Variants in PRR12 observed in about 807,000 individuals in gnomAD.
PRR12 encodes proline rich 12.
PRR12 carries 12 observed loss-of-function variants against 138.0 expected under a neutral mutation model. The observed-to-expected ratio is 0.09, with a 90% CI of 0.06 to 0.14. The LOEUF is 0.14. PRR12 is among the 10% of genes least tolerant of loss of function. PRR12 has a pLI of 1.00. For missense variants in PRR12, 2,692 were observed against 2,861.3 expected, an observed-to-expected ratio of 0.94 and a Z score of 1.35; for synonymous variants, 1,567 against 1,291.7, an observed-to-expected ratio of 1.21 and a Z score of -4.57.
At chr19:49,615,711 G>A (rs1472043175) in intron 8 of PRR12, 36 bp from the exon 9 acceptor site, 1 of 1,556,560 alleles carries the variant, frequency 6.4e-7, no homozygotes, top group Middle Eastern at 1.7e-4. Context: ...ATTATTGGGG[G>A]CTGCTGACTA....
chr19:49,591,691 C>A lies in PRR12; in HGVS notation c.37C>A (p.Pro13Thr). 1 of 1,353,348 alleles carries A rather than the reference C, an allele frequency of 7.4e-7. No homozygotes were observed. The highest frequency in any genetic ancestry group is 9.7e-7 in the Non-Finnish European group (1 of 1,029,284). 83.8% of individuals were successfully genotyped at this position (1,353,348 alleles called of 1,614,324 possible). The change falls in exon 1 of 14, where the codon CCG becomes ACG. Residue 13 changes from proline to threonine, a missense_variant. This residue lies in a region of PRR12 where 211 missense variants were observed against 266.3 expected (regional missense o/e 0.79). Coordinates refer to ENST00000418929, the MANE Select transcript of PRR12 (RefSeq NM_020719.3). ...RNYPSAGFGDPLGAGAGWSYE... is the reference protein window; with the variant it reads ...RNYPSAGFGDTLGAGAGWSYE... ...CTACCCCAGCGCCGGCTTCGGGGACCCGCTCGGCGCCGGGGCGGGATGGAG... is the reference window on the plus strand; with the variant it reads ...CTACCCCAGCGCCGGCTTCGGGGACACGCTCGGCGCCGGGGCGGGATGGAG...
chr19:49,596,204 G>A lies in PRR12; in HGVS notation c.1869G>A (p.Glu623=). The change falls in exon 4 of 14, where the codon GAG becomes GAA. Residue 623 remains glutamate (E), a synonymous_variant. Coordinates refer to ENST00000418929, the MANE Select transcript of PRR12 (RefSeq NM_020719.3). The surrounding 1 kb of genome is among the most constrained non-coding windows in gnomAD (Gnocchi z 5.6). The stretch of plus-strand genomic sequence containing the variant: ...ACAAGGGCAAGGGGGATGGCTCGGA[G>A]CTGCTGGCGGGCCCAGGTGGGCCTC... ...GGYKGKGDGS[E]LLAGPGGPPA... 6.2e-7 allele frequency: 1 copy of A among 1,610,998 alleles called. No homozygotes were observed. The highest frequency in any genetic ancestry group is 1.1e-5 in the South Asian group (1 of 91,076).
At chr19:49,620,584 C>T (rs2080916985) in intron 10 of PRR12, 107 bp downstream of exon 10, 4 of 1,464,770 alleles carry the variant, frequency 2.7e-6, no homozygotes, top group Middle Eastern at 2.3e-4. Context: ...GGTCGGGACT[C>T]CTGAGTCTGA....
Position 49,599,993 on chromosome 19 carries a change from AG to A in PRR12, c.4345+57del. ...GAGCTTAAAGGTTATTATGATCACTAGGTAACAGTTGTGCAGGTTACGCACT... is the reference window on the plus strand; with the variant it reads ...GAGCTTAAAGGTTATTATGATCACTAGTAACAGTTGTGCAGGTTACGCACT... On this transcript the variant is annotated intron_variant, in intron 5 of 13. Coordinates refer to ENST00000418929, the MANE Select transcript of PRR12 (RefSeq NM_020719.3). The surrounding 1 kb of genome is among the most constrained non-coding windows in gnomAD (Gnocchi z 5.0). 3 of 1,477,892 alleles carry A rather than the reference AG, an allele frequency of 2.0e-6. No homozygotes were observed. In the South Asian group the frequency reaches 4.0e-5, roughly 20 times the overall value. 91.5% of individuals were successfully genotyped at this position (1,477,892 alleles called of 1,614,324 possible).
At chr19:49,619,224 G>GTTTTTTT (rs34027784) in intron 9 of PRR12, among the ~76,000 whole-genome samples, 11 of 79,778 alleles carry the variant, frequency 1.4e-4, no homozygotes, top group African/African-American at 2.1e-4. Flanking sequence ...CCTCCTGTGA[G>GTTTTTTT]TTTTTTTTTT....
At chr19:49,618,878 C>T (rs888413669) in intron 9 of PRR12, among the ~76,000 whole-genome samples, 4 of 151,924 alleles carry the variant, frequency 2.6e-5, no homozygotes, top group Admixed American at 2.6e-4. Context: ...TCCAGTCTGT[C>T]CCCTGCTTGG....
chr19:49,616,028 G>A lies in PRR12; in HGVS notation c.5306G>A (p.Arg1769Gln), dbSNP rs1010070725. Residue 1769 changes from arginine to glutamine, a missense_variant, in exon 9 of 14, where the codon CGG becomes CAG. Transcript: ENST00000418929. This position sits in a 1 kb window ranked among gnomAD's most constrained non-coding sequence, Gnocchi z 4.2. The stretch of plus-strand genomic sequence containing the variant: ...AGCGGACGGCAGACACGGCCAGAGC[G>A]GAGTCTCGCCACGGGACAACCTGCC... ...ATSGRQTRPERSLATGQPATS... is the reference protein window; with the variant it reads ...ATSGRQTRPEQSLATGQPATS... 1.2e-5 allele frequency: 18 copies of A among 1,555,328 alleles called. No individual in the cohort carries two copies. Among genetic ancestry groups the A allele is most frequent in the Admixed American group, 5.9e-5 (3 of 51,268 alleles).
In PRR12 at chr19:49,597,261, G is replaced by C. The variant is rs201508997; in HGVS notation, c.2926G>C (p.Ala976Pro). 2.0e-4 allele frequency: 316 copies of C among 1,572,258 alleles called. No individual in the cohort carries two copies. In the African/African-American group the frequency reaches 3.8e-3, roughly 19 times the overall value. ...ACCTGAGGACGAGGGGGACCCCAAG[G>C]CTGGCGCTGGGCCACCCCCCGGCCC... is the stretch of plus-strand genomic sequence containing the variant. ...GPPEDEGDPKAGAGPPPGPPA... is the reference protein window; with the variant it reads ...GPPEDEGDPKPGAGPPPGPPA... The change falls in exon 4 of 14, where the codon GCT (alanine) becomes CCT (proline). Residue 976 changes from alanine to proline, a missense_variant. Physicochemically the swap from Ala to Pro is conservative, Grantham distance 27. Around this residue, in one of 11 missense-constraint regions of PRR12, gnomAD observed 840 missense variants for 689.8 expected, o/e 1.22. Transcript: ENST00000418929. The surrounding 1 kb of genome is among the most constrained non-coding windows in gnomAD (Gnocchi z 6.3).
In PRR12 at chr19:49,616,076, G is replaced by A. The variant is rs780941949; in HGVS notation, c.5354G>A (p.Arg1785Gln). The change falls in exon 9 of 14, where the codon CGG becomes CAG. Residue 1785 changes from arginine to glutamine, a missense_variant. Transcript: ENST00000418929. The surrounding 1 kb of genome is among the most constrained non-coding windows in gnomAD (Gnocchi z 4.2). Reference protein sequence around the residue: ...QPATSRLPKARPTKVKAEPPP... With the variant: ...QPATSRLPKAQPTKVKAEPPP... Reference sequence around the variant, plus strand: ...GCCACATCCCGGCTGCCCAAAGCCCGGCCTACCAAGGTGAAGGCTGAACCG... The same window carrying A: ...GCCACATCCCGGCTGCCCAAAGCCCAGCCTACCAAGGTGAAGGCTGAACCG... The A allele has an allele frequency of 5.8e-5, 91 of 1,566,652 alleles. No individual in the cohort carries two copies. The highest frequency in any genetic ancestry group is 1.3e-5 in the Non-Finnish European group (15 of 1,156,512).
chr19:49,621,704 G>C, intron 11 of PRR12, 82 bp downstream of exon 11: 1 of 1,160,214 alleles, frequency 8.6e-7, no homozygotes, highest in Non-Finnish European at 1.2e-6. Flanking sequence ...GCTGTTGGCG[G>C]GGGTGATCCT....
rs373846954 is a variant in PRR12, at chr19:49,595,493, G to A, written c.1158G>A (p.Ser386=). 11 of 1,556,678 alleles carry A rather than the reference G, an allele frequency of 7.1e-6. 1 individual carries two copies. In the South Asian group the frequency reaches 8.3e-5, roughly 12 times the overall value. The stretch of plus-strand genomic sequence containing the variant: ...GAGGTTACCGCCCCATCATTCAGTC[G>A]CCTGGGTACAAGACGGGCAAAGGTG... ...GGGGYRPIIQ[S]PGYKTGKGGY... is the part of the protein sequence containing the mutation. The change falls in exon 4 of 14, where the codon TCG becomes TCA. Residue 386 remains serine, a synonymous_variant. Coordinates refer to ENST00000418929, the MANE Select transcript of PRR12 (RefSeq NM_020719.3).
intron 11 of PRR12, among the ~76,000 whole-genome samples, chr19:49,624,577 G>C (rs575837559): frequency 6.6e-5 from 10 of 151,460 alleles, no homozygotes; most frequent in African/African-American, 2.2e-4. Flanking sequence ...TTAGGATGGG[G>C]CTGGGAATTC....
chr19:49,596,852 A>ACCCCCGCCTCCACCACCC lies in PRR12; in HGVS notation c.2518_2535dup (p.Pro840_Pro845dup). 1 of 650,790 alleles carries ACCCCCGCCTCCACCACCC rather than the reference A, an allele frequency of 1.5e-6. No homozygotes were observed. 40.3% of individuals were successfully genotyped at this position (650,790 alleles called of 1,614,324 possible). On this transcript the variant is annotated inframe_insertion, in exon 4 of 14. Coordinates refer to ENST00000418929, the MANE Select transcript of PRR12 (RefSeq NM_020719.3). The surrounding 1 kb of genome is among the most constrained non-coding windows in gnomAD (Gnocchi z 5.6). ...GGGCACCCCAGCCACCTCCACCGCCACCCCCGCCTCCACCACCCATGCCCC... is the reference window on the plus strand; with the variant it reads ...GGGCACCCCAGCCACCTCCACCGCCACCCCCGCCTCCACCACCCCCCCCGCCTCCACCACCCATGCCCC...
In PRR12 at chr19:49,614,504, G is replaced by A; in HGVS notation, c.4774-29G>A. 6.7e-7 allele frequency: 1 copy of A among 1,486,334 alleles called. No homozygotes were observed. Among genetic ancestry groups the A allele is most frequent in the Non-Finnish European group, 9.0e-7 (1 of 1,106,670 alleles). 92.1% of individuals were successfully genotyped at this position (1,486,334 alleles called of 1,614,324 possible). A position where few individuals can be genotyped will look rare whatever the true frequency, so the allele number is the denominator to read the frequency against. On this transcript the variant is annotated intron_variant, in intron 6 of 13. Coordinates refer to ENST00000418929, the MANE Select transcript of PRR12 (RefSeq NM_020719.3). This position sits in a 1 kb window ranked among gnomAD's most constrained non-coding sequence, Gnocchi z 5.0. ...AGGTCTAGGAATGAGGGCTGACCCT[G>A]CTGGCCTCACCACACCCCTCCTCCT...
chr19:49,593,514 T>G, intron 2 of PRR12, 75 bp downstream of exon 2: 1 of 663,330 alleles, frequency 1.5e-6, no homozygotes, highest in Non-Finnish European at 2.6e-6. Context: ...CTGTTGAAAG[T>G]TCCGCCCCTC....
Position 49,597,975 on chromosome 19 carries a change from G to C in PRR12, c.3640G>C (p.Ala1214Pro). 7.2e-7 allele frequency: 1 copy of C among 1,392,932 alleles called. No individual in the cohort carries two copies. The highest frequency in any genetic ancestry group is 9.3e-7 in the Non-Finnish European group (1 of 1,076,522). The allele number at this position is 1,392,932 out of a possible 1,614,324, so 86.3% of individuals were successfully genotyped here. A position where few individuals can be genotyped will look rare whatever the true frequency, so the allele number is the denominator to read the frequency against. The stretch of plus-strand genomic sequence containing the variant: ...AGGCCGGGGTCGAAAGGCTGAGGAG[G>C]CAGGGGGCACCCGGTTGGAGCCCCT... ...GRGRGRKAEEAGGTRLEPLKP... is the reference protein window; with the variant it reads ...GRGRGRKAEEPGGTRLEPLKP... The change falls in exon 4 of 14, where the codon GCA (alanine) becomes CCA (proline). Residue 1214 changes from alanine to proline, a missense_variant. Around this residue, in one of 11 missense-constraint regions of PRR12, gnomAD observed 326 missense variants for 344.2 expected, o/e 0.95. Transcript: ENST00000418929. This position sits in a 1 kb window ranked among gnomAD's most constrained non-coding sequence, Gnocchi z 6.3.
intron 9 of PRR12, among the ~76,000 whole-genome samples, chr19:49,617,636 A>T (rs1475224298): frequency 6.6e-6 from 1 of 152,182 alleles, no homozygotes; most frequent in African/African-American, 2.4e-5. Context: ...GTCTCTAAGG[A>T]TAACTTCTTA....
intron 11 of PRR12, among the ~76,000 whole-genome samples, chr19:49,623,718 A>G (rs140888767): frequency 3.3e-5 from 5 of 150,648 alleles, no homozygotes; most frequent in East Asian, 3.9e-4. Context: ...GATGGGGCCA[A>G]TAATTCTGGG....
intron 6 of PRR12, among the ~76,000 whole-genome samples, chr19:49,608,908 T>C (rs989721921): frequency 2.6e-5 from 4 of 152,046 alleles, no homozygotes; most frequent in African/African-American, 9.7e-5. Flanking sequence ...AACGAGCTGC[T>C]GAATTGACAG....
Sources: gnomAD v4.1 joint callset for allele counts (sites outside exome capture counted in the v4.1 genomes callset) on GRCh38, gnomAD v4.1.1 for gene constraint, gnomAD v4.1.1 regional missense constraint, Gnocchi (gnomAD v3.1) non-coding constraint, MANE v1.5 for transcripts, NCBI Gene and HGNC (gene_info 2026-07-23, HGNC 2026-07-21) for gene names.